Variants in MGAM2 observed in about 807,000 individuals in gnomAD.
MGAM2 encodes probable maltase-glucoamylase 2.
In MGAM2, 98 loss-of-function variants were observed where a neutral mutation model predicts 96.1. The ratio of observed to expected loss-of-function variants is 1.02; its 90% CI spans 0.87 to 1.21. The LOEUF (loss-of-function observed/expected upper bound fraction) is 1.21, where lower values mean the gene tolerates loss of function less well. MGAM2 is among the 50% of genes most tolerant of loss of function. The probability of loss-of-function intolerance (pLI) is 0.00; values close to 1 mark genes in which losing one functional copy is unlikely to be tolerated. For missense variants in MGAM2, 2,055 were observed against 1,182.4 expected, an observed-to-expected ratio of 1.74 and a Z score of -10.82; for synonymous variants, 749 against 414.8, an observed-to-expected ratio of 1.81 and a Z score of -9.79.
chr7:142,145,251 T>A (rs1361505073), intron 14 of MGAM2, among the ~76,000 whole-genome samples: 1 of 152,204 alleles, frequency 6.6e-6, no homozygotes, highest in South Asian at 2.1e-4. Flanking sequence ...GTGTCAATTT[T>A]AAAATCTATG....
intron 15 of MGAM2, among the ~76,000 whole-genome samples, chr7:142,149,469 ATTATAC>A (rs1417710496): frequency 6.6e-6 from 1 of 152,186 alleles, no homozygotes; most frequent in Non-Finnish European, 1.5e-5. Flanking sequence ...AAAATCTATA[ATTATAC>A]CTGAGATGTT....
chr7:142,115,952 G>A (rs1323017288), intron 1 of MGAM2, among the ~76,000 whole-genome samples: 3 of 152,312 alleles, frequency 2.0e-5, no homozygotes, highest in East Asian at 3.9e-4. Flanking sequence ...TAACAGTTCT[G>A]GGGATGATAA....
At chr7:142,161,493 A>C (rs1352434069) in intron 22 of MGAM2, among the ~76,000 whole-genome samples, 1 of 152,244 alleles carries the variant, frequency 6.6e-6, no homozygotes, top group Non-Finnish European at 1.5e-5. Flanking sequence ...TTAATTATTA[A>C]TAACAGATAA....
intron 17 of MGAM2, 88 bp from the exon 18 acceptor site, chr7:142,157,849 G>T (rs1164176247): frequency 3.0e-6 from 2 of 656,338 alleles, no homozygotes; most frequent in Non-Finnish European, 5.5e-6. Context: ...GGAGGAAGTG[G>T]CTAGTTTCAT....
At chr7:142,161,604 C>A (rs1795889478) in intron 22 of MGAM2, among the ~76,000 whole-genome samples, 1 of 152,036 alleles carries the variant, frequency 6.6e-6, no homozygotes, top group South Asian at 2.1e-4. Context: ...ATGTAAACAC[C>A]TCACATGAAC....
At position 142,148,742 on chromosome 7, in the gene MGAM2, G is replaced by C. The variant is rs1048348238; in HGVS notation, c.1634+1169G>C. Among the ~76,000 whole-genome samples the C allele has an allele frequency of 6.6e-6, 1 of 152,178 alleles. No individual in the cohort carries two copies. Among genetic ancestry groups the C allele is most frequent in the African/African-American group, 2.4e-5 (1 of 41,438 alleles). The stretch of plus-strand genomic sequence containing the variant: ...GGATCCTCCAGTGGCTTAGGAAAGA[G>C]CATCTTTGTCTTTCTCGGCTTCTTT... On this transcript the variant is annotated intron_variant, in intron 15 of 47. Transcript: ENST00000477922. This position sits in a 1 kb window ranked among gnomAD's most constrained non-coding sequence, Gnocchi z 4.2.
Position 142,166,236 on chromosome 7 carries a change from C to T in MGAM2, c.2791C>T (p.Arg931Trp), listed in dbSNP as rs759687211. ...AGCCTCTGAGGAGAGTTGTAGGCAGCGGGGGTGTCTTTGGGAGGTAAATGA... is the reference window on the plus strand; with the variant it reads ...AGCCTCTGAGGAGAGTTGTAGGCAGTGGGGGTGTCTTTGGGAGGTAAATGA... ...PTASEESCRQ[R>W]GCLWEDTSTP... The change falls in exon 25 of 48, where the codon CGG (arginine) becomes TGG (tryptophan). Residue 931 changes from arginine (R) to tryptophan (W), a missense_variant. By Grantham distance (101) the Arg-to-Trp change is moderately radical. Transcript: ENST00000477922. 3.7e-5 allele frequency: 26 copies of T among 700,188 alleles called. No individual in the cohort carries two copies. The highest frequency in any genetic ancestry group is 2.3e-4 in the Middle Eastern group (1 of 4,376). 43.4% of individuals were successfully genotyped at this position (700,188 alleles called of 1,614,324 possible).
chr7:142,171,421 C>T lies in MGAM2; in HGVS notation c.3332C>T (p.Ala1111Val). The part of the protein sequence containing the change: ...NMNWNTWGMF[A>V]HDEPPAYKKN... ...AACTGGAACACATGGGGAATGTTTG[C>T]TCATGATGAGCCACCTGCGGTAGGG... The change falls in exon 28 of 48, where the codon GCT (alanine) becomes GTT (valine). Residue 1111 changes from alanine (A) to valine (V), a missense_variant. Transcript: ENST00000477922. The T allele has an allele frequency of 1.4e-6, 1 of 703,006 alleles. No individual in the cohort carries two copies. Among genetic ancestry groups the T allele is most frequent in the Non-Finnish European group, 2.6e-6 (1 of 384,864 alleles). The allele number at this position is 703,006 out of a possible 1,614,324, so 43.5% of individuals were successfully genotyped here. A position where few individuals can be genotyped will look rare whatever the true frequency, so the allele number is the denominator to read the frequency against.
chr7:142,146,966 G>A (rs1795406842), intron 14 of MGAM2, among the ~76,000 whole-genome samples: 2 of 152,090 alleles, frequency 1.3e-5, no homozygotes, highest in Non-Finnish European at 2.9e-5. Flanking sequence ...GACCTCAGGT[G>A]ATCCACCTGC....
intron 45 of MGAM2, among the ~76,000 whole-genome samples, chr7:142,201,181 T>A (rs961710323): frequency 1.4e-5 from 2 of 146,194 alleles, no homozygotes; most frequent in African/African-American, 5.1e-5. Context: ...GTGATTCTCC[T>A]GGCTCAGCCT....
At chr7:142,126,232 G>A (rs1029938093) in intron 3 of MGAM2, among the ~76,000 whole-genome samples, 15 of 151,956 alleles carry the variant, frequency 9.9e-5, no homozygotes, top group Admixed American at 8.5e-4. Context: ...CATATATTGT[G>A]TATTAATTCT....
chr7:142,222,245 GT>G lies in MGAM2; in HGVS notation c.*189del, dbSNP rs1797955317. The stretch of plus-strand genomic sequence containing the variant: ...CGTCATTGCAGACATGTTTAGGAAG[GT>G]TTACAAACCTTATAGGTTTCACCAA... On this transcript the variant is annotated 3_prime_UTR_variant, in exon 48 of 48. Transcript: ENST00000477922. 2.6e-6 allele frequency: 1 copy of G among 389,496 alleles called. No homozygotes were observed. The highest frequency in any genetic ancestry group is 2.1e-5 in the African/African-American group (1 of 48,426). 24.1% of individuals were successfully genotyped at this position (389,496 alleles called of 1,614,324 possible).
chr7:142,140,676 C>T (rs1795193533), intron 10 of MGAM2, 126 bp from the exon 11 acceptor site: 1 of 561,910 alleles, frequency 1.8e-6, no homozygotes, highest in Non-Finnish European at 3.1e-6. Flanking sequence ...AGTAGCCAAG[C>T]CCTGGAAATT....
At chr7:142,179,278 G>C (rs1796467870) in intron 32 of MGAM2, among the ~76,000 whole-genome samples, 1 of 152,110 alleles carries the variant, frequency 6.6e-6, no homozygotes, top group African/African-American at 2.4e-5. Flanking sequence ...GGGTTTTCTA[G>C]GTATGGAATC....
At chr7:142,139,412 C>T (rs1451865542) in intron 10 of MGAM2, among the ~76,000 whole-genome samples, 2 of 152,062 alleles carry the variant, frequency 1.3e-5, no homozygotes, top group African/African-American at 4.8e-5. Context: ...GTAATCTCAG[C>T]ACTTTGGGAG....
At chr7:142,144,077 T>C in intron 13 of MGAM2, 195 bp downstream of exon 13, 1 of 388,930 alleles carries the variant, frequency 2.6e-6, no homozygotes, top group Non-Finnish European at 4.6e-6. Context: ...GTTCTTATCC[T>C]GCATCTTTCA....
intron 3 of MGAM2, among the ~76,000 whole-genome samples, chr7:142,123,697 A>G (rs996381929): frequency 9.9e-5 from 15 of 152,108 alleles, no homozygotes; most frequent in Non-Finnish European, 1.8e-4. Flanking sequence ...TGTTAGATAT[A>G]TATCTTAGTC....
intron 3 of MGAM2, among the ~76,000 whole-genome samples, chr7:142,121,130 A>G (rs1049299307): frequency 6.6e-6 from 1 of 151,874 alleles, no homozygotes; most frequent in Non-Finnish European, 1.5e-5. Flanking sequence ...TGTTATAAAA[A>G]CATAGAAAGT....
rs1330461909 is a variant in MGAM2, at chr7:142,160,307, A to T, written c.2345+49A>T. On this transcript the variant is annotated intron_variant, in intron 21 of 47. Transcript: ENST00000477922. ...TATGACTATTCTGGTGCTCTAATGG[A>T]GCAGGGCATTATGAGAAAGACAAAT... is the stretch of plus-strand genomic sequence containing the variant. 13 of 619,694 alleles carry T rather than the reference A, an allele frequency of 2.1e-5. No individual in the cohort carries two copies. The East Asian group carries it at 3.6e-4, about 17-fold the overall frequency. 38.4% of individuals were successfully genotyped at this position (619,694 alleles called of 1,614,324 possible).
Sources: gnomAD v4.1 joint callset for allele counts (sites outside exome capture counted in the v4.1 genomes callset) on GRCh38, gnomAD v4.1.1 for gene constraint, Gnocchi (gnomAD v3.1) non-coding constraint, MANE v1.5 for transcripts, NCBI Gene and HGNC (gene_info 2026-07-23, HGNC 2026-07-21) for gene names.